The following CCSER1 variants were observed in gnomAD, a reference collection of about 807,000 sequenced individuals.
CCSER1 encodes serine-rich coiled-coil domain-containing protein 1.
Under a neutral mutation model 82.0 loss-of-function variants are expected in CCSER1, and 41 were observed. That is an observed-to-expected ratio of 0.50 (90% confidence interval 0.39 to 0.65). The LOEUF is 0.65. CCSER1 is among the 30% of genes least tolerant of loss of function. CCSER1 has a pLI of 0.00. For synonymous variants in CCSER1, 414 were observed against 383.9 expected, an observed-to-expected ratio of 1.08 and a Z score of -0.92; for missense variants, 1,119 against 1,064.2, an observed-to-expected ratio of 1.05 and a Z score of -0.72.
At chr4:91,151,884 T>G (rs1333204271) in intron 10 of CCSER1, among the ~76,000 whole-genome samples, 1 of 152,218 alleles carries the variant, frequency 6.6e-6, no homozygotes, top group Non-Finnish European at 1.5e-5. Context: ...GAGGAGTGCT[T>G]CACTTCCACC....
intron 10 of CCSER1, among the ~76,000 whole-genome samples, chr4:91,577,023 A>T (rs1763482884): frequency 6.6e-6 from 1 of 152,012 alleles, no homozygotes; most frequent in African/African-American, 2.4e-5. Context: ...AAAGCTAAAA[A>T]AGTCATAATT....
chr4:91,055,334 G>A (rs1344938313), intron 9 of CCSER1, among the ~76,000 whole-genome samples: 2 of 152,082 alleles, frequency 1.3e-5, no homozygotes, highest in Admixed American at 1.3e-4. Context: ...CAATACATGT[G>A]TATCCGAAAC....
chr4:90,496,971 C>CAAAAAAA (rs771281710), intron 5 of CCSER1, among the ~76,000 whole-genome samples: 76 of 55,016 alleles, frequency 1.4e-3, no homozygotes, highest in East Asian at 2.5e-3. Flanking sequence ...AGCGAGACTA[C>CAAAAAAA]AAAAAAAAAA....
intron 1 of CCSER1, among the ~76,000 whole-genome samples, chr4:90,202,071 T>C (rs1274934983): frequency 6.6e-6 from 1 of 152,204 alleles, no homozygotes; most frequent in African/African-American, 2.4e-5. Flanking sequence ...AGTATAATAG[T>C]AATCTTTCAA....
intron 5 of CCSER1, among the ~76,000 whole-genome samples, chr4:90,479,429 G>A (rs1765573930): frequency 1.3e-5 from 2 of 152,174 alleles, no homozygotes; most frequent in South Asian, 2.1e-4. Flanking sequence ...TGCACAATGT[G>A]CAGGTTTGTT....
At chr4:91,041,581 C>T (rs149804821) in intron 9 of CCSER1, among the ~76,000 whole-genome samples, 6 of 152,194 alleles carry the variant, frequency 3.9e-5, no homozygotes, top group Non-Finnish European at 8.8e-5. Context: ...TGGACAATGC[C>T]ATTGCCTGCA....
At chr4:90,877,809 A>G (rs1720576426) in intron 8 of CCSER1, among the ~76,000 whole-genome samples, 1 of 151,774 alleles carries the variant, frequency 6.6e-6, no homozygotes, top group African/African-American at 2.4e-5. Context: ...TAAACCCAAT[A>G]AGATTTGGTT....
chr4:90,380,242 G>A (rs1390887879), intron 3 of CCSER1, among the ~76,000 whole-genome samples: 6 of 152,054 alleles, frequency 3.9e-5, no homozygotes, highest in Admixed American at 2.0e-4. Context: ...AAAAATAAGT[G>A]ATACTTTAGA....
chr4:90,254,753 A>G (rs1017967559), intron 1 of CCSER1, among the ~76,000 whole-genome samples: 3 of 152,128 alleles, frequency 2.0e-5, no homozygotes, highest in African/African-American at 7.2e-5. Context: ...CTCACATGCC[A>G]TAGACTGTCA....
At chr4:91,325,327 C>T in intron 10 of CCSER1, 1 of 369,178 alleles carries the variant, frequency 2.7e-6, no homozygotes, top group South Asian at 2.1e-5. Context: ...AAAATGAAGC[C>T]ATTTGACAGA....
intron 3 of CCSER1, among the ~76,000 whole-genome samples, chr4:90,364,395 A>G (rs1410425868): frequency 6.6e-6 from 1 of 152,036 alleles, no homozygotes; most frequent in East Asian, 1.9e-4. Flanking sequence ...CCAAATGAAA[A>G]TGAAAGGTTC....
intron 10 of CCSER1, among the ~76,000 whole-genome samples, chr4:91,528,605 G>T (rs1760882733): frequency 6.6e-6 from 1 of 152,082 alleles, no homozygotes; most frequent in South Asian, 2.1e-4. Context: ...TCTATATCCA[G>T]CACAATAATG....
At position 90,468,547 on chromosome 4, in the gene CCSER1, C is replaced by T. The variant is rs558254851; in HGVS notation, c.1724+193C>T. 8 of 467,582 alleles carry T rather than the reference C, an allele frequency of 1.7e-5. No homozygotes were observed. The South Asian group carries it at 3.2e-4, about 19-fold the overall frequency. The allele number at this position is 467,582 out of a possible 1,614,324, so 29.0% of individuals were successfully genotyped here. A position where few individuals can be genotyped will look rare whatever the true frequency, so the allele number is the denominator to read the frequency against. On this transcript the variant is annotated intron_variant, in intron 5 of 10. Coordinates refer to ENST00000509176, the MANE Select transcript of CCSER1 (RefSeq NM_001145065.2). ...GTCTCCTAACTTCATGTCTTTGAAC[C>T]ATGTGTCATTCAAGTTTCATTTTGT...
intron 1 of CCSER1, among the ~76,000 whole-genome samples, chr4:90,129,492 G>T (rs142845951): frequency 2.8e-3 from 428 of 152,286 alleles, no homozygotes; most frequent in Middle Eastern, 0.014. Context: ...ACTGGGTTTA[G>T]TAGTAGGACA....
intron 10 of CCSER1, among the ~76,000 whole-genome samples, chr4:91,337,475 C>A (rs1747401989): frequency 6.6e-6 from 1 of 152,100 alleles, no homozygotes; most frequent in East Asian, 1.9e-4. Context: ...CTGAATGTGT[C>A]ACCTGGTTCT....
At chr4:90,765,374 T>C (rs923922786) in intron 7 of CCSER1, among the ~76,000 whole-genome samples, 1 of 152,188 alleles carries the variant, frequency 6.6e-6, no homozygotes, top group Non-Finnish European at 1.5e-5. Flanking sequence ...AAATTTCTTT[T>C]CTGCCTCCTT....
At chr4:91,441,501 C>G (rs1224026979) in intron 10 of CCSER1, among the ~76,000 whole-genome samples, 1 of 151,928 alleles carries the variant, frequency 6.6e-6, no homozygotes, top group East Asian at 1.9e-4. Context: ...ATGACAAACT[C>G]ACAGCCAATA....
chr4:91,440,144 C>T (rs1305516822), intron 10 of CCSER1, among the ~76,000 whole-genome samples: 1 of 152,084 alleles, frequency 6.6e-6, no homozygotes, highest in Admixed American at 6.6e-5. Context: ...CTCTCCACCC[C>T]AAATCAACAG....
intron 10 of CCSER1, among the ~76,000 whole-genome samples, chr4:91,248,814 A>G (rs561499765): frequency 6.6e-6 from 1 of 152,168 alleles, no homozygotes; most frequent in Non-Finnish European, 1.5e-5. Context: ...CACTATACAA[A>G]TATAAGATAT....
Sources: gnomAD v4.1 joint callset for allele counts (sites outside exome capture counted in the v4.1 genomes callset) on GRCh38, gnomAD v4.1.1 for gene constraint, MANE v1.5 for transcripts, NCBI Gene and HGNC (gene_info 2026-07-23, HGNC 2026-07-21) for gene names.